HTR4: variants seen among roughly 807,000 people sequenced by gnomAD.
The protein encoded by HTR4 is 5-hydroxytryptamine receptor 4, also known as 5-hydroxytryptamine (serotonin) receptor 4, G protein-coupled.
A neutral mutation model predicts 36.8 loss-of-function variants in HTR4; 16 were observed. That is an observed-to-expected ratio of 0.43 (90% CI 0.29 to 0.66). HTR4 has a LOEUF of 0.66. HTR4 is among the 30% of genes least tolerant of loss of function. The pLI, the probability that HTR4 is intolerant of heterozygous loss-of-function variation, is 0.13. For missense variants in HTR4, 438 were observed against 490.9 expected, an observed-to-expected ratio of 0.89 and a Z score of 1.02; for synonymous variants, 189 against 185.1, an observed-to-expected ratio of 1.02 and a Z score of -0.17.
chr5:148,619,490 C>A (rs1380686020), intron 2 of HTR4, among the ~76,000 whole-genome samples: 1 of 152,106 alleles, frequency 6.6e-6, no homozygotes, highest in East Asian at 1.9e-4. Flanking sequence ...GTAGTGCCTG[C>A]CCTCAATTCA....
Position 148,482,609 on chromosome 5 carries a change from C to T in HTR4, c.*594G>A. The T allele has an allele frequency of 1.0e-6, 1 of 987,078 alleles. No individual in the cohort carries two copies. Among genetic ancestry groups the T allele is most frequent in the Non-Finnish European group, 1.2e-6 (1 of 831,060 alleles). The allele number at this position is 987,078 out of a possible 1,614,324, so 61.1% of individuals were successfully genotyped here. A position where few individuals can be genotyped will look rare whatever the true frequency, so the allele number is the denominator to read the frequency against. Reference sequence around the variant, plus strand: ...TGGACGTCTGGGACTGACAAGGGGGCCAACCAAGAGGATGCACGTTTGGAC... The same window carrying T: ...TGGACGTCTGGGACTGACAAGGGGGTCAACCAAGAGGATGCACGTTTGGAC... On this transcript the variant is annotated 3_prime_UTR_variant, in exon 7 of 7. Coordinates refer to ENST00000377888, the MANE Select transcript of HTR4 (RefSeq NM_000870.7).
chr5:148,562,742 T>G (rs949376174), intron 2 of HTR4, among the ~76,000 whole-genome samples: 1 of 152,164 alleles, frequency 6.6e-6, no homozygotes, highest in Non-Finnish European at 1.5e-5. Flanking sequence ...GCAAATCTAT[T>G]TCTCCAGTTG....
At chr5:148,544,263 CTCTCTCTCTCTCTTTCTCTCTT>C (rs1206407882) in intron 4 of HTR4, among the ~76,000 whole-genome samples, 1 of 150,572 alleles carries the variant, frequency 6.6e-6, no homozygotes, top group Non-Finnish European at 1.5e-5. Flanking sequence ...CTCTTTCTTT[CTCTCTCTCTCTCTTTCTCTCTT>C]TCTCTCTCTC....
At chr5:148,496,915 T>A (rs983335611) in intron 6 of HTR4, among the ~76,000 whole-genome samples, 1 of 152,224 alleles carries the variant, frequency 6.6e-6, no homozygotes, top group Non-Finnish European at 1.5e-5. Flanking sequence ...AAATGCTCAA[T>A]ACATAGTTCC....
Position 148,624,664 on chromosome 5 carries a change from C to T in HTR4, c.26+12325G>A, listed in dbSNP as rs1361697361. On this transcript the variant is annotated intron_variant, in intron 2 of 6. Coordinates refer to ENST00000377888, the MANE Select transcript of HTR4 (RefSeq NM_000870.7). ...AGAACTTGTGTTCTTTTCACTCTCCCGTCTCTTCTCCAAATCCCGTAGCCT... is the reference window on the plus strand; with the variant it reads ...AGAACTTGTGTTCTTTTCACTCTCCTGTCTCTTCTCCAAATCCCGTAGCCT... 4.6e-5 allele frequency among the ~76,000 whole-genome samples: 7 copies of T among 152,248 alleles called. No individual in the cohort carries two copies. The East Asian group carries it at 5.8e-4, about 13-fold the overall frequency.
In HTR4 at chr5:148,509,841, G is replaced by A. The variant is rs140360260; in HGVS notation, c.691C>T (p.Arg231Trp). 1.1e-4 allele frequency: 185 copies of A among 1,613,982 alleles called. No homozygotes were observed. The highest frequency in any genetic ancestry group is 2.7e-4 in the African/African-American group (20 of 75,028). ...CTGCTCTCGGAGGAGGCTCCTGCCC[G>A]TTGTAACATCTGGATCTGATGGGCA... ...EHAHQIQMLQ[R>W]AGASSESRPQ... The change falls in exon 6 of 7, where the codon CGG becomes TGG. Residue 231 changes from arginine (R) to tryptophan (W), a missense_variant. By Grantham distance (101) the Arg-to-Trp change is moderately radical (BLOSUM62 -3). Transcript: ENST00000377888.
intron 2 of HTR4, among the ~76,000 whole-genome samples, chr5:148,560,692 T>C (rs1760167966): frequency 6.6e-6 from 1 of 152,174 alleles, no homozygotes. Flanking sequence ...TGTGATGTAA[T>C]ATCATGATGC....
chr5:148,486,337 A>G (rs879879752), intron 6 of HTR4, among the ~76,000 whole-genome samples: 1 of 152,148 alleles, frequency 6.6e-6, no homozygotes, highest in Non-Finnish European at 1.5e-5. Flanking sequence ...GTGCAATAAG[A>G]TCATCCTCAG....
intron 6 of HTR4, chr5:148,490,705 A>C: frequency 8.1e-7 from 1 of 1,231,216 alleles, no homozygotes; most frequent in Non-Finnish European, 1.0e-6. Context: ...TGTCTCCTTC[A>C]ACTTTACTAG....
intron 6 of HTR4, among the ~76,000 whole-genome samples, chr5:148,506,792 G>A (rs1203595887): frequency 8.6e-5 from 13 of 151,830 alleles, no homozygotes; most frequent in East Asian, 5.8e-4. Flanking sequence ...ATCACTGGCC[G>A]TCAGAGAAAT....
At chr5:148,536,655 A>G (rs1219361243) in intron 4 of HTR4, among the ~76,000 whole-genome samples, 1 of 152,232 alleles carries the variant, frequency 6.6e-6, no homozygotes, top group African/African-American at 2.4e-5. Context: ...AGGGCATTAC[A>G]TAATTGCAAA....
intron 6 of HTR4, among the ~76,000 whole-genome samples, chr5:148,491,622 C>T (rs1314751096): frequency 2.0e-5 from 3 of 152,070 alleles, no homozygotes; most frequent in African/African-American, 4.8e-5. Context: ...CACGTTGTGA[C>T]AACCAAAAAT....
intron 5 of HTR4, among the ~76,000 whole-genome samples, chr5:148,470,777 C>G (rs1320490362): frequency 6.6e-6 from 1 of 152,182 alleles, no homozygotes; most frequent in Non-Finnish European, 1.5e-5. Context: ...CAACATCCAC[C>G]TCCCAGATTC....
intron 5 of HTR4, among the ~76,000 whole-genome samples, chr5:148,513,065 T>G (rs10042925): frequency 0.029 from 4,435 of 151,786 alleles, 123 homozygotes; most frequent in African/African-American, 0.07. Flanking sequence ...TTGTGCTCAC[T>G]ACAACCTCTG....
At chr5:148,466,369 T>A (rs1445018180) in intron 5 of HTR4, among the ~76,000 whole-genome samples, 1 of 152,236 alleles carries the variant, frequency 6.6e-6, no homozygotes, top group Admixed American at 6.5e-5. Flanking sequence ...TTCCTTCTTT[T>A]AAACAAACAG....
chr5:148,639,406 G>A (rs1753655310), intron 1 of HTR4, among the ~76,000 whole-genome samples: 2 of 151,800 alleles, frequency 1.3e-5, no homozygotes. Flanking sequence ...CTGCTTTCCT[G>A]GGCCGTAACC....
At chr5:148,637,947 A>G (rs2127308255) in intron 1 of HTR4, among the ~76,000 whole-genome samples, 1 of 152,284 alleles carries the variant, frequency 6.6e-6, no homozygotes, top group Admixed American at 6.5e-5. Flanking sequence ...AAGAGATTGG[A>G]AAAAAATAAT....
chr5:148,547,531 T>TA (rs1442988774), intron 4 of HTR4, among the ~76,000 whole-genome samples: 1 of 95,104 alleles, frequency 1.1e-5, no homozygotes, highest in African/African-American at 4.9e-5. Flanking sequence ...AAAATAAAAA[T>TA]AAAATAAAAT....
chr5:148,465,319 G>T (rs888651876), intron 5 of HTR4, among the ~76,000 whole-genome samples: 3 of 152,206 alleles, frequency 2.0e-5, no homozygotes, highest in Admixed American at 1.3e-4. Context: ...GGGGGAGGCT[G>T]TGCCTGGGGT....
Sources: allele counts gnomAD v4.1 joint callset (sites outside exome capture counted in the v4.1 genomes callset), GRCh38; gene constraint gnomAD v4.1.1; transcripts MANE v1.5; gene names NCBI Gene and HGNC (gene_info 2026-07-23, HGNC 2026-07-21).